The following TAOK1 variants were observed in gnomAD, a reference collection of about 807,000 sequenced individuals.
TAOK1 encodes the protein TAO kinase 1.
In TAOK1, 21 loss-of-function variants were observed where a neutral mutation model predicts 138.3. The observed-to-expected ratio is 0.15, with a 90% CI of 0.11 to 0.22. The LOEUF (loss-of-function observed/expected upper bound fraction) is 0.22. TAOK1 is among the 10% of genes least tolerant of loss of function. TAOK1 has a pLI of 1.00. For missense variants in TAOK1, 651 were observed against 1,227.7 expected (o/e 0.53, Z 7.02); for synonymous variants, 361 against 398.4 (o/e 0.91, Z 1.12).
chr17:29,398,984 ATT>A (rs529390776), intron 1 of TAOK1, among the ~76,000 whole-genome samples: 46 of 138,264 alleles, frequency 3.3e-4, no homozygotes, highest in Non-Finnish European at 2.5e-4. Flanking sequence ...CATTGAGATA[ATT>A]TTTTTTTTTT....
chr17:29,471,454 T>C (rs1489538014), intron 3 of TAOK1, among the ~76,000 whole-genome samples: 1 of 151,442 alleles, frequency 6.6e-6, no homozygotes, highest in East Asian at 2.0e-4. Context: ...ATTTTTTGTA[T>C]TTTTAGTAGA....
At chr17:29,542,033 A>G (rs974936620) in intron 19 of TAOK1, among the ~76,000 whole-genome samples, 6 of 151,658 alleles carry the variant, frequency 4.0e-5, no homozygotes, top group African/African-American at 7.2e-5. Context: ...CGCCACCACC[A>G]TGCCCGGCTA....
intron 2 of TAOK1, among the ~76,000 whole-genome samples, chr17:29,454,012 T>C (rs2030312548): frequency 6.6e-6 from 1 of 150,848 alleles, no homozygotes; most frequent in African/African-American, 2.4e-5. Flanking sequence ...AATGGGGTTT[T>C]GCTATGTTGC....
chr17:29,465,272 G>A (rs1188181010), intron 2 of TAOK1, among the ~76,000 whole-genome samples: 2 of 147,606 alleles, frequency 1.4e-5, no homozygotes, highest in Non-Finnish European at 3.0e-5. Context: ...TCCTGCCTCA[G>A]CCTCCTGAGT....
chr17:29,453,051 C>T (rs1446162875), intron 2 of TAOK1, among the ~76,000 whole-genome samples: 1 of 152,056 alleles, frequency 6.6e-6, no homozygotes, highest in Non-Finnish European at 1.5e-5. Flanking sequence ...TGCCTAACTG[C>T]ACCACAGCAG....
At chr17:29,426,506 A>T (rs1905646370) in intron 1 of TAOK1, among the ~76,000 whole-genome samples, 1 of 152,170 alleles carries the variant, frequency 6.6e-6, no homozygotes. Flanking sequence ...ACATTCTGAG[A>T]TGCAGTAAAA....
At chr17:29,456,954 C>T (rs1263407121) in intron 2 of TAOK1, among the ~76,000 whole-genome samples, 3 of 149,960 alleles carry the variant, frequency 2.0e-5, no homozygotes, top group Admixed American at 6.6e-5. Context: ...AGGATGGTCT[C>T]GATCTCCTGG....
intron 14 of TAOK1, 27 bp downstream of exon 14, chr17:29,508,159 C>T: frequency 6.3e-7 from 1 of 1,590,388 alleles, no homozygotes; most frequent in Non-Finnish European, 8.6e-7. Context: ...TATTACTTTG[C>T]TTATTTTAGG....
chr17:29,392,952 T>G (rs1207551231), intron 1 of TAOK1, among the ~76,000 whole-genome samples: 1 of 152,206 alleles, frequency 6.6e-6, no homozygotes, highest in African/African-American at 2.4e-5. Flanking sequence ...TTTTATATCA[T>G]GATTTTGATG....
chr17:29,439,296 G>A (rs757594154), intron 1 of TAOK1, among the ~76,000 whole-genome samples: 5 of 151,088 alleles, frequency 3.3e-5, no homozygotes, highest in Non-Finnish European at 5.9e-5. Context: ...TCCGTCTCCC[G>A]GCTTCAAGCA....
intron 1 of TAOK1, among the ~76,000 whole-genome samples, chr17:29,409,053 T>C (rs1194410099): frequency 6.6e-6 from 1 of 152,036 alleles, no homozygotes; most frequent in East Asian, 1.9e-4. Context: ...ATTAGTCTTT[T>C]CTAGAGTTTC....
At chr17:29,503,278 C>T (rs1361904292) in intron 13 of TAOK1, among the ~76,000 whole-genome samples, 1 of 151,696 alleles carries the variant, frequency 6.6e-6, no homozygotes, top group African/African-American at 2.4e-5. Flanking sequence ...AGCCTGTAGT[C>T]CCAGCTACTT....
intron 19 of TAOK1, among the ~76,000 whole-genome samples, chr17:29,534,860 A>G (rs2032194222): frequency 1.3e-5 from 2 of 151,982 alleles, no homozygotes; most frequent in Non-Finnish European, 2.9e-5. Flanking sequence ...TTTTTTCTGA[A>G]TTATTCTTGT....
At chr17:29,403,751 C>G (rs913956192) in intron 1 of TAOK1, 3 of 152,064 alleles carry the variant, frequency 2.0e-5, no homozygotes, top group Admixed American at 6.6e-5. Flanking sequence ...GTCACCCAGG[C>G]TGGAGTGTAG....
intron 1 of TAOK1, among the ~76,000 whole-genome samples, chr17:29,428,095 T>C (rs1905704336): frequency 6.6e-6 from 1 of 152,142 alleles, no homozygotes; most frequent in Middle Eastern, 3.2e-3. Flanking sequence ...CCAACCGTTT[T>C]TTTCCAGACT....
At chr17:29,492,808 A>G (rs1419904844) in intron 10 of TAOK1, among the ~76,000 whole-genome samples, 1 of 151,760 alleles carries the variant, frequency 6.6e-6, no homozygotes, top group Non-Finnish European at 1.5e-5. Flanking sequence ...AATAAAAAAT[A>G]AATAAATATA....
At chr17:29,500,828 G>A (rs2031510482) in intron 12 of TAOK1, among the ~76,000 whole-genome samples, 1 of 152,022 alleles carries the variant, frequency 6.6e-6, no homozygotes. Context: ...GCTGCCATAT[G>A]GTTGAATCTT....
At chr17:29,487,261 A>G (rs1437702780) in intron 8 of TAOK1, among the ~76,000 whole-genome samples, 1 of 149,690 alleles carries the variant, frequency 6.7e-6, no homozygotes, top group Admixed American at 7.0e-5. Flanking sequence ...AAAAAAAAAA[A>G]AAAAAAAAAA....
In TAOK1 at chr17:29,522,075, A is replaced by C. The variant is rs200617493; in HGVS notation, c.1909-205A>C. 2.6e-5 allele frequency among the ~76,000 whole-genome samples: 4 copies of C among 152,260 alleles called. No homozygotes were observed. In the East Asian group the frequency reaches 7.7e-4, roughly 29 times the overall value. ...AGCTAATGGTAATAAAATAATATGA[A>C]TAAATAGTAAATGAATATAAGGAAA... On this transcript the variant is annotated intron_variant, in intron 16 of 19. Coordinates refer to ENST00000261716, the MANE Select transcript of TAOK1 (RefSeq NM_020791.4).
Sources: gnomAD v4.1 joint callset for allele counts (sites outside exome capture counted in the v4.1 genomes callset) on GRCh38, gnomAD v4.1.1 for gene constraint, MANE v1.5 for transcripts, NCBI Gene and HGNC (gene_info 2026-07-23, HGNC 2026-07-21) for gene names.